Variants in ROBO1 observed in about 807,000 individuals in gnomAD.
ROBO1 encodes the protein roundabout guidance receptor 1.
Under a neutral mutation model 195.9 loss-of-function variants are expected in ROBO1, and 149 were observed. The ratio of observed to expected loss-of-function variants is 0.76; its 90% CI spans 0.67 to 0.87. ROBO1 has a LOEUF of 0.87. Among genes scored for constraint, ROBO1 ranks in the 40% least tolerant of loss-of-function variants. ROBO1 has a pLI of 0.00. For missense variants in ROBO1, 1,933 were observed against 2,068.3 expected (o/e 0.93, Z 1.27); for synonymous variants, 816 against 733.2 (o/e 1.11, Z -1.82).
At chr3:79,697,112 T>C (rs7431092) in intron 1 of ROBO1, among the ~76,000 whole-genome samples, 89,709 of 151,052 alleles carry the variant, frequency 0.59, 26,840 homozygotes, top group South Asian at 0.7. Context: ...ATATGGGTTC[T>C]CTTGGTATGG....
intron 2 of ROBO1, among the ~76,000 whole-genome samples, chr3:79,214,828 T>TATATA (rs1316521600): frequency 1.0e-4 from 12 of 114,960 alleles, no homozygotes; most frequent in South Asian, 2.5e-4. Flanking sequence ...ATATATATAT[T>TATATA]TTTTTTTTTT....
At chr3:79,359,945 T>C (rs2035704038) in intron 2 of ROBO1, among the ~76,000 whole-genome samples, 1 of 152,024 alleles carries the variant, frequency 6.6e-6, no homozygotes, top group Non-Finnish European at 1.5e-5. Context: ...GAACTAAATT[T>C]GAAGGAAGAA....
chr3:79,718,773 A>T (rs531847339), intron 1 of ROBO1, among the ~76,000 whole-genome samples: 1 of 152,078 alleles, frequency 6.6e-6, no homozygotes, highest in Non-Finnish European at 1.5e-5. Flanking sequence ...AACATGTGGC[A>T]TTTCCCTTAT....
At chr3:78,818,882 C>T (rs1559888502) in intron 4 of ROBO1, among the ~76,000 whole-genome samples, 1 of 152,204 alleles carries the variant, frequency 6.6e-6, no homozygotes, top group Admixed American at 6.5e-5. Context: ...AGTGACACTA[C>T]ATTTGCATAA....
At chr3:79,026,094 G>T (rs2078197923) in intron 3 of ROBO1, among the ~76,000 whole-genome samples, 1 of 152,004 alleles carries the variant, frequency 6.6e-6, no homozygotes, top group African/African-American at 2.4e-5. Flanking sequence ...TTTACATATT[G>T]CTGACTGATC....
chr3:78,873,560 G>A (rs773437760), intron 4 of ROBO1, among the ~76,000 whole-genome samples: 4 of 151,928 alleles, frequency 2.6e-5, no homozygotes, highest in Admixed American at 2.0e-4. Flanking sequence ...TAAAAAATAC[G>A]AAGCCAATTT....
At chr3:79,557,758 A>ATTTTTTTTTT (rs1559991069) in intron 2 of ROBO1, among the ~76,000 whole-genome samples, 115 of 145,786 alleles carry the variant, frequency 7.9e-4, no homozygotes, top group African/African-American at 2.8e-3. Context: ...ATATATATAT[A>ATTTTTTTTTT]TATATATTTT....
intron 3 of ROBO1, among the ~76,000 whole-genome samples, chr3:78,948,438 GA>G (rs1173204196): frequency 6.6e-6 from 1 of 152,158 alleles, no homozygotes; most frequent in Non-Finnish European, 1.5e-5. Context: ...AATAGATGCA[GA>G]AAAGGCCTTT....
At chr3:79,694,026 G>GA (rs1947371359) in intron 1 of ROBO1, among the ~76,000 whole-genome samples, 1 of 151,426 alleles carries the variant, frequency 6.6e-6, no homozygotes, top group South Asian at 2.1e-4. Flanking sequence ...GTTGTAACAA[G>GA]AAAAATAGAG....
At chr3:79,066,260 T>G (rs762366795) in intron 3 of ROBO1, among the ~76,000 whole-genome samples, 2 of 151,864 alleles carry the variant, frequency 1.3e-5, no homozygotes, top group Non-Finnish European at 2.9e-5. Flanking sequence ...ATCGAGGTTA[T>G]TTTTGTGTGG....
At chr3:78,688,623 A>T (rs1257677552) in intron 9 of ROBO1, 25 bp downstream of exon 9, 1 of 1,550,124 alleles carries the variant, frequency 6.5e-7, no homozygotes, top group Admixed American at 2.2e-5. Context: ...TGATTTAAAA[A>T]AAAAAAGTTA....
rs546479886 is a variant in ROBO1 at position 78,804,948 on chromosome 3, C to G, written c.500-58048G>C. On this transcript the variant is annotated intron_variant, in intron 4 of 30. Transcript: ENST00000464233. ...GGCTTGTAAAAGCTCCTTGAAGGTTCAGTTTAAAGAATCTCCCTTGGTCAC... is the reference window on the plus strand; with the variant it reads ...GGCTTGTAAAAGCTCCTTGAAGGTTGAGTTTAAAGAATCTCCCTTGGTCAC... Among the ~76,000 whole-genome samples, 81 of 152,168 alleles carry G rather than the reference C, an allele frequency of 5.3e-4. No homozygotes were observed. In the South Asian group the frequency reaches 0.016, roughly 30 times the overall value.
intron 3 of ROBO1, among the ~76,000 whole-genome samples, chr3:79,013,668 C>T (rs925791281): frequency 6.6e-6 from 1 of 152,130 alleles, no homozygotes; most frequent in African/African-American, 2.4e-5. Flanking sequence ...TGGTTCAAAT[C>T]CCTGCTGAAC....
rs150763505 is a variant in ROBO1 at position 79,675,483 on chromosome 3, T to G, written c.-50-85522A>C. 9.0e-4 allele frequency among the ~76,000 whole-genome samples: 137 copies of G among 152,112 alleles called. 1 individual carries two copies. The East Asian group carries it at 0.021, about 23-fold the overall frequency. On this transcript the variant is annotated intron_variant, in intron 1 of 30. Transcript: ENST00000464233. ...ACAGGAGCTGCTATTAAGATCAGTT[T>G]GAGTTTTCCCTCCTCTTCATGAACT...
intron 29 of ROBO1, among the ~76,000 whole-genome samples, chr3:78,604,430 C>G (rs1409861691): frequency 6.6e-6 from 1 of 152,180 alleles, no homozygotes. Flanking sequence ...CAGATATAAA[C>G]CTCGCAATTT....
intron 2 of ROBO1, among the ~76,000 whole-genome samples, chr3:79,511,171 T>C (rs1199035911): frequency 6.6e-6 from 1 of 152,132 alleles, no homozygotes; most frequent in Non-Finnish European, 1.5e-5. Context: ...CAGCAGTTAA[T>C]TATGATATTA....
intron 7 of ROBO1, among the ~76,000 whole-genome samples, chr3:78,716,177 C>T (rs1403347919): frequency 6.6e-6 from 1 of 152,140 alleles, no homozygotes; most frequent in African/African-American, 2.4e-5. Context: ...ATTCAAATTC[C>T]CCCCTCTGAG....
In ROBO1 at chr3:78,657,244, C is replaced by T. The variant is rs774479186; in HGVS notation, c.2468G>A (p.Arg823Gln). Residue 823 changes from arginine to glutamine, a missense_variant, in exon 18 of 31, where the codon CGA (arginine) becomes CAA (glutamine). Physicochemically the swap from Arg to Gln is conservative, Grantham distance 43. Around this residue, in one of 3 missense-constraint regions of ROBO1, gnomAD observed 1,737 missense variants for 1,882.5 expected, o/e 0.92. Transcript: ENST00000464233. ...ATCCACTGTTTTGTTGATGTGGTAT[C>T]GAGTTTCATTGCCCAGACACCAAAC... The part of the protein sequence containing the change: ...YKVWCLGNET[R>Q]YHINKTVDGS... The T allele has an allele frequency of 1.2e-5, 19 of 1,613,470 alleles. No homozygotes were observed. The highest frequency in any genetic ancestry group is 6.7e-5 in the African/African-American group (5 of 74,892).
chr3:79,137,275 G>A (rs1563384), intron 2 of ROBO1, among the ~76,000 whole-genome samples: 114,105 of 151,822 alleles, frequency 0.75, 42,968 homozygotes, highest in Middle Eastern at 0.8. Flanking sequence ...AATAGTTTTG[G>A]GAAAAGAAAA....
Sources: gnomAD v4.1 joint callset for allele counts (sites outside exome capture counted in the v4.1 genomes callset) on GRCh38, gnomAD v4.1.1 for gene constraint, gnomAD v4.1.1 regional missense constraint, MANE v1.5 for transcripts, NCBI Gene and HGNC (gene_info 2026-07-23, HGNC 2026-07-21) for gene names.